Variants in VDAC1 observed in about 807,000 individuals in gnomAD.
VDAC1 encodes the protein non-selective voltage-gated ion channel VDAC1.
A neutral mutation model predicts 34.7 loss-of-function variants in VDAC1; 10 were observed. That is an observed-to-expected ratio of 0.29 (90% CI 0.18 to 0.49). The LOEUF (loss-of-function observed/expected upper bound fraction) is 0.49. VDAC1 is among the 20% of genes least tolerant of loss of function. VDAC1 has a pLI of 0.99. For missense variants in VDAC1, 230 were observed against 347.9 expected (o/e 0.66, Z 2.69); for synonymous variants, 130 against 136.0 (o/e 0.96, Z 0.30).
the VDAC1 span, among the ~76,000 whole-genome samples, chr5:134,092,616 C>T: frequency 1.3e-5 from 2 of 149,702 alleles, no homozygotes; most frequent in African/African-American, 5.0e-5. Context: ...GCAGAGGTTG[C>T]AGTGAGCTGT....
chr5:134,017,592 TTAATAAA>T, the VDAC1 span, among the ~76,000 whole-genome samples: 1 of 152,196 alleles, frequency 6.6e-6, no homozygotes, highest in Admixed American at 6.5e-5. Flanking sequence ...TTACTAATAC[TTAATAAA>T]TAATAAATGG....
chr5:134,071,126 G>A, the VDAC1 span, among the ~76,000 whole-genome samples: 1 of 152,188 alleles, frequency 6.6e-6, no homozygotes, highest in Non-Finnish European at 1.5e-5. This position sits in a 1 kb window ranked among gnomAD's most constrained non-coding sequence, Gnocchi z 4.1. Flanking sequence ...TCGACCCCGC[G>A]ACCCCGGAGG....
At chr5:134,035,546 G>A in the VDAC1 span, among the ~76,000 whole-genome samples, 5 of 151,984 alleles carry the variant, frequency 3.3e-5, no homozygotes, top group South Asian at 6.3e-4. Flanking sequence ...ACACACCAGC[G>A]AACATTTGAG....
chr5:134,038,028 A>G, the VDAC1 span, among the ~76,000 whole-genome samples: 1 of 152,360 alleles, frequency 6.6e-6, no homozygotes, highest in South Asian at 2.1e-4. Flanking sequence ...AATAATGTCA[A>G]TGTGCCAAAG....
chr5:133,995,443 T>C (rs1580726865), intron 1 of VDAC1, among the ~76,000 whole-genome samples: 1 of 152,238 alleles, frequency 6.6e-6, no homozygotes, highest in Middle Eastern at 3.4e-3. Context: ...ATCTCCCCCG[T>C]TCTGGGCCCC....
At chr5:134,067,727 GGA>G in the VDAC1 span, among the ~76,000 whole-genome samples, 1 of 151,754 alleles carries the variant, frequency 6.6e-6, no homozygotes, top group East Asian at 1.9e-4. Flanking sequence ...AGAAGGAGAA[GGA>G]GACAGAAATT....
the VDAC1 span, among the ~76,000 whole-genome samples, chr5:134,110,685 C>T: frequency 1.3e-5 from 2 of 152,196 alleles, no homozygotes; most frequent in Non-Finnish European, 2.9e-5. Flanking sequence ...GGATGCCAGG[C>T]GGGCTGGTGA....
the VDAC1 span, among the ~76,000 whole-genome samples, chr5:134,094,090 G>A: frequency 6.6e-6 from 1 of 152,240 alleles, no homozygotes; most frequent in Non-Finnish European, 1.5e-5. Flanking sequence ...AGTGGGGGGC[G>A]GTGGGTGGAA....
upstream of VDAC1, among the ~76,000 whole-genome samples, chr5:134,009,838 G>A (rs935699025): frequency 2.0e-5 from 3 of 151,668 alleles, no homozygotes; most frequent in Admixed American, 6.6e-5. Context: ...GTGCCACCAC[G>A]TCTGGCTAAT....
the VDAC1 span, among the ~76,000 whole-genome samples, chr5:134,021,997 C>T: frequency 1.3e-5 from 2 of 151,904 alleles, no homozygotes; most frequent in African/African-American, 2.4e-5. Context: ...TCTCCTGCCT[C>T]AGCCTCCCAA....
the VDAC1 span, among the ~76,000 whole-genome samples, chr5:134,051,998 G>A: frequency 1.3e-5 from 2 of 151,900 alleles, no homozygotes; most frequent in East Asian, 1.9e-4. Context: ...GCATAAGGCC[G>A]AATATTTTAA....
the VDAC1 span, among the ~76,000 whole-genome samples, chr5:134,048,277 TC>T: frequency 5.8e-3 from 856 of 148,654 alleles, 8 homozygotes; most frequent in African/African-American, 0.019. Flanking sequence ...CTTTTTTTTT[TC>T]TCTCTTTTGA....
chr5:133,981,413 C>T (rs1160887453), intron 5 of VDAC1, among the ~76,000 whole-genome samples: 1 of 152,140 alleles, frequency 6.6e-6, no homozygotes, highest in Non-Finnish European at 1.5e-5. Context: ...CTCTGTGGCT[C>T]ACATGGTTAA....
At chr5:133,998,524 G>A (rs180800394) in intron 1 of VDAC1, among the ~76,000 whole-genome samples, 2 of 152,292 alleles carry the variant, frequency 1.3e-5, no homozygotes, top group African/African-American at 4.8e-5. Flanking sequence ...GACAGAGCGA[G>A]AGACTCCCTC....
At chr5:134,095,553 G>A in the VDAC1 span, among the ~76,000 whole-genome samples, 695 of 152,206 alleles carry the variant, frequency 4.6e-3, 9 homozygotes, top group African/African-American at 0.016. Context: ...TGGACTGTTT[G>A]CCAGATGTAA....
chr5:133,973,780 G>A lies in VDAC1; in HGVS notation c.760+11C>T. 2 of 1,609,648 alleles carry A rather than the reference G, an allele frequency of 1.2e-6. No homozygotes were observed. The highest frequency in any genetic ancestry group is 1.1e-5 in the South Asian group (1 of 90,014). ...GATAAAGAACCGATTTCACACACAA[G>A]CAACACATACCTGGCTTTAGAGTCT... is the stretch of plus-strand genomic sequence containing the variant. On this transcript the variant is annotated intron_variant, in intron 8 of 8. Coordinates refer to ENST00000265333, the MANE Select transcript of VDAC1 (RefSeq NM_003374.3).
At chr5:134,014,054 C>A in the VDAC1 span, among the ~76,000 whole-genome samples, 1 of 152,118 alleles carries the variant, frequency 6.6e-6, no homozygotes, top group African/African-American at 2.4e-5. Flanking sequence ...CTTTGGGGGG[C>A]CAAGGTGGGC....
At chr5:134,039,619 G>A in the VDAC1 span, among the ~76,000 whole-genome samples, 38 of 152,244 alleles carry the variant, frequency 2.5e-4, no homozygotes, top group South Asian at 8.3e-4. Flanking sequence ...GTGAGCCACC[G>A]CGCCCGGCAG....
At chr5:134,009,779 T>C (rs917200405), upstream of VDAC1, among the ~76,000 whole-genome samples, 3 of 151,806 alleles carry the variant, frequency 2.0e-5, no homozygotes, top group Non-Finnish European at 4.4e-5. Flanking sequence ...CCTCCCGAGT[T>C]AAGCTATTCT....
Sources: allele counts gnomAD v4.1 joint callset (sites outside exome capture counted in the v4.1 genomes callset), GRCh38; gene constraint gnomAD v4.1.1; non-coding constraint Gnocchi (gnomAD v3.1); transcripts MANE v1.5; gene names NCBI Gene and HGNC (gene_info 2026-07-23, HGNC 2026-07-21).